The following RERE variants were observed in gnomAD, a reference collection of about 807,000 sequenced individuals.
RERE encodes the protein arginine-glutamic acid dipeptide repeats protein.
Under a neutral mutation model 146.1 loss-of-function variants are expected in RERE, and 40 were observed. The observed-to-expected ratio is 0.27, with a 90% CI of 0.21 to 0.36. RERE has a LOEUF of 0.36. Ranked by LOEUF, RERE falls within the 10% of genes least tolerant of loss-of-function variation. The pLI is 1.00. For synonymous variants in RERE, 1,003 were observed against 866.0 expected, an observed-to-expected ratio of 1.16 and a Z score of -2.78; for missense variants, 1,933 against 2,138.7, an observed-to-expected ratio of 0.90 and a Z score of 1.90.
At chr1:8,663,804 C>T (rs1239727104) in intron 1 of RERE, among the ~76,000 whole-genome samples, 1 of 152,148 alleles carries the variant, frequency 6.6e-6, no homozygotes, top group Non-Finnish European at 1.5e-5. Context: ...GCTTCCACCT[C>T]CACCCCTCCT....
intron 1 of RERE, among the ~76,000 whole-genome samples, chr1:8,748,957 G>A (rs149386717): frequency 2.6e-5 from 4 of 152,282 alleles, no homozygotes; most frequent in African/African-American, 9.6e-5. Flanking sequence ...AGGCATGGGG[G>A]ACAGTGATGA....
intron 11 of RERE, among the ~76,000 whole-genome samples, chr1:8,441,485 T>C (rs184082370): frequency 2.0e-5 from 3 of 152,244 alleles, no homozygotes; most frequent in Admixed American, 6.5e-5. Flanking sequence ...ATTTAAAACA[T>C]TGACACTGGT....
At chr1:8,443,226 G>T (rs920715037) in intron 11 of RERE, among the ~76,000 whole-genome samples, 1 of 152,246 alleles carries the variant, frequency 6.6e-6, no homozygotes, top group Non-Finnish European at 1.5e-5. Flanking sequence ...ACTTTGAGAG[G>T]CCGCGGCGGG....
chr1:8,441,528 G>T (rs562225670), intron 11 of RERE, among the ~76,000 whole-genome samples: 1 of 152,338 alleles, frequency 6.6e-6, no homozygotes, highest in Non-Finnish European at 1.5e-5. Flanking sequence ...AGGTCAGGAT[G>T]AGAAAGACTC....
chr1:8,364,799 T>C lies in RERE; in HGVS notation c.1487A>G (p.Glu496Gly). ...SSASEDDFDS[E>G]DSEQELKGYA... Reference sequence around the variant, plus strand: ...CCCCTTCAGCTCCTGCTCACTGTCCTCACTGTCGAAGTCATCTTCACTGGC... The same window carrying C: ...CCCCTTCAGCTCCTGCTCACTGTCCCCACTGTCGAAGTCATCTTCACTGGC... The change falls in exon 14 of 23, where the codon GAG becomes GGG. Residue 496 changes from glutamate (E) to glycine (G), a missense_variant. Coordinates refer to ENST00000400908, the MANE Select transcript of RERE (RefSeq NM_001042681.2). This position sits in a 1 kb window ranked among gnomAD's most constrained non-coding sequence, Gnocchi z 5.1. 6.2e-7 allele frequency: 1 copy of C among 1,613,382 alleles called. No individual in the cohort carries two copies. Among genetic ancestry groups the C allele is most frequent in the Non-Finnish European group, 8.5e-7 (1 of 1,179,890 alleles).
intron 1 of RERE, among the ~76,000 whole-genome samples, chr1:8,749,540 G>A (rs1640488983): frequency 6.6e-6 from 1 of 151,944 alleles, no homozygotes; most frequent in South Asian, 2.1e-4. Flanking sequence ...ATAAGATGAA[G>A]CAAAGAAAAA....
chr1:8,530,685 T>TTTTTTTTTTC (rs1553180727), intron 7 of RERE, among the ~76,000 whole-genome samples: 145 of 135,828 alleles, frequency 1.1e-3, no homozygotes, highest in African/African-American at 3.9e-3. Flanking sequence ...TTTTCTTTTT[T>TTTTTTTTTTC]TTTTTTTTTT....
intron 1 of RERE, among the ~76,000 whole-genome samples, chr1:8,757,084 C>T (rs1640657250): frequency 7.2e-6 from 1 of 138,518 alleles, no homozygotes; most frequent in Non-Finnish European, 1.5e-5. Flanking sequence ...GAGCAAAACT[C>T]CATCTCAAAA....
At chr1:8,619,450 A>C (rs1377642756) in intron 3 of RERE, among the ~76,000 whole-genome samples, 1 of 152,256 alleles carries the variant, frequency 6.6e-6, no homozygotes, top group East Asian at 1.9e-4. Flanking sequence ...CTCATTTGGT[A>C]TAAGTAACAG....
chr1:8,494,686 G>A (rs991082923), intron 10 of RERE, among the ~76,000 whole-genome samples: 4 of 152,152 alleles, frequency 2.6e-5, no homozygotes, highest in African/African-American at 9.7e-5. Flanking sequence ...TCGCGCCACT[G>A]CCAGAGCGAG....
chr1:8,801,426 C>T (rs1042680278), intron 1 of RERE, among the ~76,000 whole-genome samples: 11 of 152,082 alleles, frequency 7.2e-5, no homozygotes, highest in African/African-American at 1.9e-4. Context: ...TGTGCCACCA[C>T]GTCAGGCTAA....
chr1:8,618,439 C>T (rs1646881258), intron 3 of RERE, among the ~76,000 whole-genome samples: 1 of 152,186 alleles, frequency 6.6e-6, no homozygotes. Flanking sequence ...TACCATCCCT[C>T]ATCTCAATCC....
At chr1:8,507,494 G>A (rs1198936502) in intron 8 of RERE, among the ~76,000 whole-genome samples, 3 of 152,166 alleles carry the variant, frequency 2.0e-5, no homozygotes, top group Non-Finnish European at 4.4e-5. Context: ...TGCAACCTCC[G>A]CCCCCTGGGT....
chr1:8,586,300 G>A (rs1207220100), intron 4 of RERE, among the ~76,000 whole-genome samples: 1 of 152,190 alleles, frequency 6.6e-6, no homozygotes, highest in Non-Finnish European at 1.5e-5. Flanking sequence ...TATAATTACT[G>A]TATATCAAGA....
chr1:8,478,656 CA>C (rs1644792358), intron 10 of RERE, among the ~76,000 whole-genome samples: 1 of 152,132 alleles, frequency 6.6e-6, no homozygotes, highest in Non-Finnish European at 1.5e-5. Context: ...GGGCTCTGGG[CA>C]GGGCTGTGGA....
chr1:8,505,094 G>C (rs1341494699), intron 8 of RERE, among the ~76,000 whole-genome samples: 1 of 152,150 alleles, frequency 6.6e-6, no homozygotes, highest in Non-Finnish European at 1.5e-5. Flanking sequence ...GGATGAAATA[G>C]CTTCTTTACC....
intron 5 of RERE, 131 bp downstream of exon 5, chr1:8,557,287 T>C: frequency 1.6e-6 from 1 of 625,088 alleles, no homozygotes; most frequent in Non-Finnish European, 2.9e-6. Context: ...ATGTGAATCA[T>C]CAAGCATAAG....
At chr1:8,706,491 C>A (rs1639564157) in intron 1 of RERE, among the ~76,000 whole-genome samples, 1 of 152,160 alleles carries the variant, frequency 6.6e-6, no homozygotes, top group South Asian at 2.1e-4. Flanking sequence ...ATTACCCAGC[C>A]CTTAAGGGAT....
chr1:8,422,866 A>C (rs1325488840), intron 11 of RERE, 59 bp from the exon 12 acceptor site: 3 of 1,201,340 alleles, frequency 2.5e-6, no homozygotes, highest in Non-Finnish European at 3.7e-6. Context: ...GATGTCAGCA[A>C]AGCAAAGATA....
Sources: allele counts gnomAD v4.1 joint callset (sites outside exome capture counted in the v4.1 genomes callset), GRCh38; gene constraint gnomAD v4.1.1; non-coding constraint Gnocchi (gnomAD v3.1); transcripts MANE v1.5; gene names NCBI Gene and HGNC (gene_info 2026-07-23, HGNC 2026-07-21).